Variants in HNRNPLL observed in about 807,000 individuals in gnomAD.
HNRNPLL encodes the protein heterogeneous nuclear ribonucleoprotein L like.
A neutral mutation model predicts 67.1 loss-of-function variants in HNRNPLL; 25 were observed. The observed-to-expected ratio is 0.37, with a 90% CI of 0.27 to 0.52. The LOEUF (loss-of-function observed/expected upper bound fraction) is 0.52. Ranked by LOEUF, HNRNPLL falls within the 20% of genes least tolerant of loss-of-function variation. The pLI, the probability that HNRNPLL is intolerant of heterozygous loss-of-function variation, is 0.90. For synonymous variants in HNRNPLL, 267 were observed against 241.7 expected (o/e 1.10, Z -0.97); for missense variants, 542 against 673.9 (o/e 0.80, Z 2.17).
chr2:38,575,729 C>T (rs1558533896), intron 7 of HNRNPLL, among the ~76,000 whole-genome samples: 1 of 151,890 alleles, frequency 6.6e-6, no homozygotes, highest in East Asian at 1.9e-4. Flanking sequence ...AAGGTGATCC[C>T]AAAATGCAAG....
chr2:38,578,903 A>G (rs1666410989), intron 6 of HNRNPLL, among the ~76,000 whole-genome samples: 1 of 152,070 alleles, frequency 6.6e-6, no homozygotes, highest in Non-Finnish European at 1.5e-5. Context: ...CCCCAAAGTC[A>G]TTTCTTCTTC....
intron 6 of HNRNPLL, among the ~76,000 whole-genome samples, chr2:38,579,162 C>G (rs746848025): frequency 3.3e-5 from 5 of 152,136 alleles, no homozygotes; most frequent in Non-Finnish European, 7.4e-5. Flanking sequence ...GGAAAGAGAA[C>G]TGGGTTGGGA....
chr2:38,593,917 G>C (rs2148381545), intron 1 of HNRNPLL, among the ~76,000 whole-genome samples: 1 of 150,324 alleles, frequency 6.7e-6, no homozygotes, highest in African/African-American at 2.5e-5. Flanking sequence ...GCTTACGCCT[G>C]CAATCCCACC....
chr2:38,572,911 T>C (rs997366132), intron 8 of HNRNPLL, among the ~76,000 whole-genome samples: 1 of 152,066 alleles, frequency 6.6e-6, no homozygotes, highest in African/African-American at 2.4e-5. Context: ...CACTTTGAAA[T>C]GAGATCACCA....
At chr2:38,567,143 G>T (rs1486234111) in intron 12 of HNRNPLL, among the ~76,000 whole-genome samples, 1 of 152,088 alleles carries the variant, frequency 6.6e-6, no homozygotes, top group African/African-American at 2.4e-5. Context: ...TTGCTCTGTT[G>T]CCCAGGCTGG....
At chr2:38,583,486 TA>T (rs1038355454) in intron 4 of HNRNPLL, among the ~76,000 whole-genome samples, 2 of 151,986 alleles carry the variant, frequency 1.3e-5, no homozygotes, top group African/African-American at 2.4e-5. Context: ...AAAGGTTCAA[TA>T]AAAAAAGGTA....
intron 1 of HNRNPLL, among the ~76,000 whole-genome samples, chr2:38,593,907 G>A (rs1667068895): frequency 6.6e-6 from 1 of 150,968 alleles, no homozygotes; most frequent in Non-Finnish European, 1.5e-5. Context: ...GGGCACAGTG[G>A]CTTACGCCTG....
chr2:38,562,556 T>C lies in HNRNPLL; in HGVS notation c.*1626A>G, dbSNP rs1204373084. 1 of 152,024 alleles carries C rather than the reference T, an allele frequency of 6.6e-6. No homozygotes were observed. The allele number at this position is 152,024 out of a possible 1,614,324, so 9.4% of individuals were successfully genotyped here. ...TTTTTCAAAAGAGGTAGAAAAGTAT[T>C]TATAGGGGAAAAAAAGCTTTATTGT... On this transcript the variant is annotated 3_prime_UTR_variant, in exon 13 of 13. Coordinates refer to ENST00000449105, the MANE Select transcript of HNRNPLL (RefSeq NM_138394.4).
chr2:38,602,927 A>G lies in HNRNPLL; in HGVS notation c.-301T>C, dbSNP rs952415173. On this transcript the variant is annotated 5_prime_UTR_variant, in exon 1 of 13. Coordinates refer to ENST00000449105, the MANE Select transcript of HNRNPLL (RefSeq NM_138394.4). ...CCTGCCCGGAGGAGCGAATCTAAGG[A>G]TGGGGACGCAACCGTGGCTTCCGGT... 6.7e-7 allele frequency: 1 copy of G among 1,497,124 alleles called. No homozygotes were observed. The highest frequency in any genetic ancestry group is 9.1e-7 in the Non-Finnish European group (1 of 1,099,810). The allele number at this position is 1,497,124 out of a possible 1,614,324, so 92.7% of individuals were successfully genotyped here.
chr2:38,599,446 C>T (rs953030098), intron 1 of HNRNPLL, among the ~76,000 whole-genome samples: 1 of 152,076 alleles, frequency 6.6e-6, no homozygotes, highest in Admixed American at 6.6e-5. Flanking sequence ...AAGGTCATGC[C>T]TATTAAATTT....
chr2:38,602,567 G>C lies in HNRNPLL; in HGVS notation c.60C>G (p.Ser20Arg). 6.4e-7 allele frequency: 1 copy of C among 1,572,472 alleles called. No homozygotes were observed. The highest frequency in any genetic ancestry group is 8.6e-7 in the Non-Finnish European group (1 of 1,160,368). ...ETYEEDREYESQAKRLKTEEG... is the reference protein window; with the variant it reads ...ETYEEDREYERQAKRLKTEEG... Reference sequence around the variant, plus strand: ...CCTCGGTCTTGAGACGCTTGGCCTGGCTCTCGTACTCCCGGTCCTCCTCGT... The same window carrying C: ...CCTCGGTCTTGAGACGCTTGGCCTGCCTCTCGTACTCCCGGTCCTCCTCGT... The change falls in exon 1 of 13, where the codon AGC (serine) becomes AGG (arginine). Residue 20 changes from serine (S) to arginine (R), a missense_variant. Coordinates refer to ENST00000449105, the MANE Select transcript of HNRNPLL (RefSeq NM_138394.4).
In HNRNPLL at chr2:38,573,527, C is replaced by T; in HGVS notation, c.875-100G>A. On this transcript the variant is annotated intron_variant, in intron 7 of 12. Coordinates refer to ENST00000449105, the MANE Select transcript of HNRNPLL (RefSeq NM_138394.4). ...CTGCACCACACACAAAAAATAAACTCTTAATATTAGCTAGTTTGATGTACA... is the reference window on the plus strand; with the variant it reads ...CTGCACCACACACAAAAAATAAACTTTTAATATTAGCTAGTTTGATGTACA... 4.0e-6 allele frequency: 3 copies of T among 754,752 alleles called. No homozygotes were observed. In the South Asian group the frequency reaches 5.1e-5, roughly 13 times the overall value. The allele number at this position is 754,752 out of a possible 1,614,324, so 46.8% of individuals were successfully genotyped here.
rs751705724 is a variant in HNRNPLL at position 38,568,212 on chromosome 2, C to T, written c.1560G>A (p.Gln520=). ...VEALTALNHY[Q]IRVPNGSNPY... ...CATTTTACTTACTCGGCACTCTTATCTGATAGTGATTCAGTGCCGTAAGGG... is the reference window on the plus strand; with the variant it reads ...CATTTTACTTACTCGGCACTCTTATTTGATAGTGATTCAGTGCCGTAAGGG... Residue 520 remains glutamine, a synonymous_variant, in exon 12 of 13, where the codon CAG becomes CAA. Transcript: ENST00000449105. 2 of 1,607,312 alleles carry T rather than the reference C, an allele frequency of 1.2e-6. No homozygotes were observed. Among genetic ancestry groups the T allele is most frequent in the Non-Finnish European group, 1.7e-6 (2 of 1,174,342 alleles).
At chr2:38,588,560 A>AAAAAAAC (rs1666826168) in intron 2 of HNRNPLL, among the ~76,000 whole-genome samples, 1 of 150,448 alleles carries the variant, frequency 6.6e-6, no homozygotes, top group African/African-American at 2.5e-5. Flanking sequence ...AAAAAAAAAA[A>AAAAAAAC]AAAAAAAGGG....
Position 38,582,126 on chromosome 2 carries a change from G to A in HNRNPLL, c.675C>T (p.Leu225=). 1 of 1,613,966 alleles carries A rather than the reference G, an allele frequency of 6.2e-7. No homozygotes were observed. Among genetic ancestry groups the A allele is most frequent in the Non-Finnish European group, 8.5e-7 (1 of 1,179,910 alleles). ...ATCCAGCATATATATCAGCTCCATT[G>A]AGTGCTGCTTTAGCTTTCTGGGCAC... The part of the protein sequence containing the change: ...VLCAQKAKAA[L]NGADIYAGCC... Residue 225 remains leucine, a synonymous_variant, in exon 5 of 13, where the codon CTC becomes CTT. Coordinates refer to ENST00000449105, the MANE Select transcript of HNRNPLL (RefSeq NM_138394.4).
chr2:38,582,051 G>T (rs753688481), intron 5 of HNRNPLL, 21 bp downstream of exon 5: 1 of 1,600,606 alleles, frequency 6.2e-7, no homozygotes, highest in East Asian at 2.2e-5. Flanking sequence ...TCTTGGGTAG[G>T]GTGTTGAAAA....
chr2:38,580,870 T>C (rs1666500817), intron 6 of HNRNPLL, among the ~76,000 whole-genome samples: 1 of 152,194 alleles, frequency 6.6e-6, no homozygotes, highest in Non-Finnish European at 1.5e-5. Context: ...AATGTCAAAA[T>C]TTCTAGTTAC....
rs996538508 is a variant in HNRNPLL at position 38,602,885 on chromosome 2, C to T, written c.-259G>A. On this transcript the variant is annotated 5_prime_UTR_variant, in exon 1 of 13. Transcript: ENST00000449105. ...GCCAACATTCAGCCTCTCCCTCCTC[C>T]TCCTCCGTCTCCGCTCCCTGCCCGG... 1.9e-6 allele frequency: 3 copies of T among 1,548,244 alleles called. No individual in the cohort carries two copies. The highest frequency in any genetic ancestry group is 2.6e-6 in the Non-Finnish European group (3 of 1,145,396).
chr2:38,573,356 C>T lies in HNRNPLL; in HGVS notation c.946G>A (p.Ala316Thr), dbSNP rs1666170373. 30 of 1,612,476 alleles carry T rather than the reference C, an allele frequency of 1.9e-5. No homozygotes were observed. The highest frequency in any genetic ancestry group is 2.5e-5 in the Non-Finnish European group (30 of 1,179,112). ...GAAGAAGCCTGTGGTAATGGATAAG[C>T]AACAAGTTCAGGTGTATCTCGAGAG... ...MGSRDTPELV[A>T]YPLPQASSSY... The change falls in exon 8 of 13, where the codon GCT becomes ACT. Residue 316 changes from alanine to threonine, a missense_variant. Ala to Thr is a moderately conservative substitution (Grantham distance 58). Around this residue, in one of 2 missense-constraint regions of HNRNPLL, gnomAD observed 415 missense variants for 575.2 expected, o/e 0.72. Coordinates refer to ENST00000449105, the MANE Select transcript of HNRNPLL (RefSeq NM_138394.4).
Sources: gnomAD v4.1 joint callset for allele counts (sites outside exome capture counted in the v4.1 genomes callset) on GRCh38, gnomAD v4.1.1 for gene constraint, gnomAD v4.1.1 regional missense constraint, MANE v1.5 for transcripts, NCBI Gene and HGNC (gene_info 2026-07-23, HGNC 2026-07-21) for gene names.